Variants in DLGAP2 observed in about 807,000 individuals in gnomAD.
DLGAP2 encodes the protein DLG associated protein 2.
A neutral mutation model predicts 100.3 loss-of-function variants in DLGAP2; 26 were observed. The ratio of observed to expected loss-of-function variants is 0.26; its 90% CI spans 0.19 to 0.36. DLGAP2 has a LOEUF of 0.36. Among genes scored for constraint, DLGAP2 ranks in the 10% least tolerant of loss-of-function variants. The pLI is 1.00. For synonymous variants in DLGAP2, 886 were observed against 630.1 expected (o/e 1.41, Z -6.08); for missense variants, 1,858 against 1,453.2 (o/e 1.28, Z -4.53).
At chr8:822,130 G>A (rs566751141) in intron 1 of DLGAP2, 5 of 399,454 alleles carry the variant, frequency 1.3e-5, no homozygotes, top group Admixed American at 8.8e-5. Flanking sequence ...AGCCCTGCGC[G>A]GCTTCCCTCG....
chr8:864,006 T>A (rs1797443614), intron 1 of DLGAP2, among the ~76,000 whole-genome samples: 1 of 152,152 alleles, frequency 6.6e-6, no homozygotes, highest in Non-Finnish European at 1.5e-5. Context: ...ACAGTGGATA[T>A]GACTCAGCCA....
At chr8:998,906 C>G (rs1229883181) in intron 2 of DLGAP2, among the ~76,000 whole-genome samples, 1 of 152,116 alleles carries the variant, frequency 6.6e-6, no homozygotes, top group Non-Finnish European at 1.5e-5. Context: ...GTTTCTGTTT[C>G]CTGCATTGTT....
rs367758803 is a variant in DLGAP2 at position 900,391 on chromosome 8, GC to G, written c.19-7518del. On this transcript the variant is annotated intron_variant, in intron 1 of 14. Coordinates refer to ENST00000637795, the MANE Select transcript of DLGAP2 (RefSeq NM_001346810.2). ...GGTTGCTCCCGGGCGGATGGTGGGC[GC>G]CCTCCTCTTCACGGTGTTGCTCCTG... is the stretch of plus-strand genomic sequence containing the variant. Among the ~76,000 whole-genome samples, 564 of 152,226 alleles carry G rather than the reference GC, an allele frequency of 3.7e-3. 5 individuals carry two copies. Among genetic ancestry groups the G allele is most frequent in the African/African-American group, 0.013 (546 of 41,520 alleles).
intron 2 of DLGAP2, among the ~76,000 whole-genome samples, chr8:1,133,074 G>A (rs1481452214): frequency 3.3e-5 from 5 of 152,236 alleles, no homozygotes; most frequent in Non-Finnish European, 5.9e-5. Context: ...GTGAAGGACA[G>A]TTCAAGGGCA....
At chr8:1,068,414 A>G (rs936087072) in intron 2 of DLGAP2, among the ~76,000 whole-genome samples, 1 of 152,300 alleles carries the variant, frequency 6.6e-6, no homozygotes, top group South Asian at 2.1e-4. Flanking sequence ...TTCACCCCCC[A>G]CAGTGGATAA....
At chr8:1,665,946 T>G (rs1450441468) in intron 8 of DLGAP2, among the ~76,000 whole-genome samples, 2 of 152,224 alleles carry the variant, frequency 1.3e-5, no homozygotes, top group Non-Finnish European at 2.9e-5. Context: ...CATGTCGCAC[T>G]CAACACCCTT....
chr8:1,547,891 T>G (rs1436267276), intron 4 of DLGAP2, among the ~76,000 whole-genome samples: 1 of 152,178 alleles, frequency 6.6e-6, no homozygotes, highest in African/African-American at 2.4e-5. Flanking sequence ...ACAAACGATT[T>G]CACGATTAAT....
At chr8:1,302,796 G>C (rs1023903020) in intron 3 of DLGAP2, among the ~76,000 whole-genome samples, 1 of 152,276 alleles carries the variant, frequency 6.6e-6, no homozygotes, top group South Asian at 2.1e-4. Flanking sequence ...CCAGAGCTTG[G>C]CTCTTCCCCT....
At chr8:783,606 T>C (rs1479963084) in intron 1 of DLGAP2, among the ~76,000 whole-genome samples, 1 of 151,896 alleles carries the variant, frequency 6.6e-6, no homozygotes, top group African/African-American at 2.4e-5. Context: ...AGGAAGTTGA[T>C]TTCTTATCTT....
chr8:1,531,241 C>CGTGT lies in DLGAP2; in HGVS notation c.173-17356_173-17353dup, dbSNP rs58738870. ...GTAAGATATTATTAGAGAGCGTGTG[C>CGTGT]GTGTGTGTGTGTGTGTGTGTGTGTG... is the stretch of plus-strand genomic sequence containing the variant. On this transcript the variant is annotated intron_variant, in intron 4 of 14. Coordinates refer to ENST00000637795, the MANE Select transcript of DLGAP2 (RefSeq NM_001346810.2). Among the ~76,000 whole-genome samples, 910 of 143,314 alleles carry CGTGT rather than the reference C, an allele frequency of 6.3e-3. 7 individuals are homozygous for CGTGT. The highest frequency in any genetic ancestry group is 0.013 in the South Asian group (62 of 4,602). 94.0% of individuals were successfully genotyped at this position (143,314 alleles called of 152,430 possible). A position where few individuals can be genotyped will look rare whatever the true frequency, so the allele number is the denominator to read the frequency against.
intron 2 of DLGAP2, among the ~76,000 whole-genome samples, chr8:1,127,222 C>T (rs1796187377): frequency 6.6e-6 from 1 of 151,494 alleles, no homozygotes; most frequent in Non-Finnish European, 1.5e-5. Flanking sequence ...TGCAGGGTTG[C>T]TGTGGCCACA....
At chr8:1,157,805 G>A (rs1192049583) in intron 2 of DLGAP2, among the ~76,000 whole-genome samples, 1 of 152,206 alleles carries the variant, frequency 6.6e-6, no homozygotes, top group Non-Finnish European at 1.5e-5. Flanking sequence ...TCCTGGGATC[G>A]GAGGGAGGCG....
intron 2 of DLGAP2, among the ~76,000 whole-genome samples, chr8:981,887 A>C (rs1448206046): frequency 6.6e-6 from 1 of 152,192 alleles, no homozygotes; most frequent in East Asian, 1.9e-4. Flanking sequence ...AAGAGTTTGA[A>C]CTTTAACGTT....
At chr8:1,536,243 CCTT>C in intron 4 of DLGAP2, among the ~76,000 whole-genome samples, 1 of 152,178 alleles carries the variant, frequency 6.6e-6, no homozygotes, top group South Asian at 2.1e-4. Context: ...GGGAAAGTCA[CCTT>C]CTTGGAGCAG....
chr8:1,438,905 A>T (rs555901936), intron 3 of DLGAP2, among the ~76,000 whole-genome samples: 60 of 152,300 alleles, frequency 3.9e-4, no homozygotes, highest in African/African-American at 1.4e-3. Context: ...CATTTTTTTT[A>T]CTAGAAAAAA....
chr8:829,532 C>T (rs138054632), intron 1 of DLGAP2, among the ~76,000 whole-genome samples: 44 of 152,328 alleles, frequency 2.9e-4, no homozygotes, highest in African/African-American at 1.0e-3. Context: ...AGTAAGTATA[C>T]ACATCATAAA....
At chr8:1,475,578 G>C (rs2404301) in intron 3 of DLGAP2, among the ~76,000 whole-genome samples, 98,341 of 151,868 alleles carry the variant, frequency 0.65, 32,085 homozygotes, top group Admixed American at 0.7. Flanking sequence ...TCCATACTGG[G>C]TCAGGTCACC....
In DLGAP2 at chr8:1,206,703, C is replaced by T. The variant is rs572640658; in HGVS notation, c.74-52148C>T. On this transcript the variant is annotated intron_variant, in intron 2 of 14. Transcript: ENST00000637795. ...TAATCTCCACACCCTCCTGGTCTCCCGAGCGCCTGGCACAGTCCTTAGCTG... is the reference window on the plus strand; with the variant it reads ...TAATCTCCACACCCTCCTGGTCTCCTGAGCGCCTGGCACAGTCCTTAGCTG... Among the ~76,000 whole-genome samples the T allele has an allele frequency of 5.9e-5, 9 of 151,764 alleles. No homozygotes were observed. The East Asian group carries it at 1.2e-3, about 20-fold the overall frequency.
At chr8:1,633,810 G>C (rs1032649094) in intron 8 of DLGAP2, among the ~76,000 whole-genome samples, 1 of 152,186 alleles carries the variant, frequency 6.6e-6, no homozygotes, top group African/African-American at 2.4e-5. Context: ...GGCTTGGAAT[G>C]CTGCAGCTGT....
Sources: gnomAD v4.1 joint callset for allele counts (sites outside exome capture counted in the v4.1 genomes callset) on GRCh38, gnomAD v4.1.1 for gene constraint, MANE v1.5 for transcripts, NCBI Gene and HGNC (gene_info 2026-07-23, HGNC 2026-07-21) for gene names.